UNC13C: variants seen among roughly 807,000 people sequenced by gnomAD.
UNC13C encodes the protein protein unc-13 homolog C.
UNC13C carries 174 observed loss-of-function variants against 245.4 expected under a neutral mutation model. The observed-to-expected ratio is 0.71, with a 90% confidence interval of 0.63 to 0.80. UNC13C has a LOEUF of 0.80. UNC13C is among the 30% of genes least tolerant of loss of function. The probability of loss-of-function intolerance (pLI) is 0.00; values close to 1 mark genes in which losing one functional copy is unlikely to be tolerated. For synonymous variants in UNC13C, 992 were observed against 895.1 expected (o/e 1.11, Z -1.93); for missense variants, 2,829 against 2,602.9 (o/e 1.09, Z -1.89).
At chr15:54,320,483 G>A (rs1459109415) in intron 13 of UNC13C, among the ~76,000 whole-genome samples, 1 of 151,856 alleles carries the variant, frequency 6.6e-6, no homozygotes, top group Non-Finnish European at 1.5e-5. Flanking sequence ...CATTAAAAAC[G>A]TTCACTGGAA....
At chr15:54,402,380 G>A (rs930154494) in intron 18 of UNC13C, among the ~76,000 whole-genome samples, 2 of 151,998 alleles carry the variant, frequency 1.3e-5, no homozygotes, top group African/African-American at 4.8e-5. Context: ...GTGCATAAGG[G>A]TACTGCCAAA....
chr15:53,907,561 C>G, the UNC13C span, among the ~76,000 whole-genome samples: 1 of 152,056 alleles, frequency 6.6e-6, no homozygotes, highest in African/African-American at 2.4e-5. Flanking sequence ...TTGATCAAGT[C>G]ACTTAACCTC....
At chr15:54,432,398 G>A (rs2040890088) in intron 19 of UNC13C, among the ~76,000 whole-genome samples, 1 of 151,294 alleles carries the variant, frequency 6.6e-6, no homozygotes. Context: ...GATTTAACCA[G>A]TTGAAAAGGG....
intron 6 of UNC13C, among the ~76,000 whole-genome samples, chr15:54,236,826 C>G (rs17818266): frequency 0.029 from 4,358 of 152,220 alleles, 93 homozygotes; most frequent in Non-Finnish European, 0.049. Context: ...ATGTATATGA[C>G]CAGATGGGTC....
At chr15:54,253,460 G>C (rs1403118620) in intron 8 of UNC13C, among the ~76,000 whole-genome samples, 1 of 152,174 alleles carries the variant, frequency 6.6e-6, no homozygotes, top group East Asian at 1.9e-4. Flanking sequence ...AGACCAAATG[G>C]AAACAGGGAG....
chr15:54,551,020 A>T lies in UNC13C; in HGVS notation c.5877+1329A>T, dbSNP rs577415048. 3.7e-4 allele frequency among the ~76,000 whole-genome samples: 56 copies of T among 152,208 alleles called. No individual in the cohort carries two copies. The South Asian group carries it at 7.9e-3, about 21-fold the overall frequency. On this transcript the variant is annotated intron_variant, in intron 28 of 32. Coordinates refer to ENST00000260323, the MANE Select transcript of UNC13C (RefSeq NM_001080534.3). ...GTGTTCTATCAGCTAGAACTATTTC[A>T]TTTTCAAGTGATGGAAAGCCAAACA...
chr15:54,168,408 G>A (rs2033264902), intron 4 of UNC13C, among the ~76,000 whole-genome samples: 1 of 152,074 alleles, frequency 6.6e-6, no homozygotes, highest in Non-Finnish European at 1.5e-5. Context: ...TGTTAAATTT[G>A]TTGCTAGATA....
chr15:54,623,726 C>T lies in UNC13C; in HGVS notation c.6200-69C>T. 4 of 1,454,722 alleles carry T rather than the reference C, an allele frequency of 2.7e-6. No homozygotes were observed. The Admixed American group carries it at 8.4e-5, about 30-fold the overall frequency. The allele number at this position is 1,454,722 out of a possible 1,614,324, so 90.1% of individuals were successfully genotyped here. On this transcript the variant is annotated intron_variant, in intron 31 of 32. Transcript: ENST00000260323. ...ATTATTAAGTTTTGGCTTCATAAAT[C>T]ACTTTTAAAATTTCACTCTAAATTT...
At chr15:54,432,808 A>G (rs1449625233) in intron 19 of UNC13C, among the ~76,000 whole-genome samples, 1 of 151,964 alleles carries the variant, frequency 6.6e-6, no homozygotes, top group Non-Finnish European at 1.5e-5. Context: ...AATGAATCCA[A>G]GAGCTGGTTT....
intron 1 of UNC13C, among the ~76,000 whole-genome samples, chr15:54,002,476 C>A (rs1257646843): frequency 6.6e-6 from 1 of 151,836 alleles, no homozygotes; most frequent in Non-Finnish European, 1.5e-5. Flanking sequence ...ACAGAGTAGA[C>A]CTTAGGAGAC....
intron 17 of UNC13C, among the ~76,000 whole-genome samples, chr15:54,390,017 C>A (rs995896453): frequency 1.3e-5 from 2 of 152,192 alleles, no homozygotes; most frequent in African/African-American, 4.8e-5. Context: ...GCATGAGCCA[C>A]TGCGCCCGGC....
chr15:54,215,458 TA>T (rs1229037269), intron 4 of UNC13C, among the ~76,000 whole-genome samples: 1 of 151,916 alleles, frequency 6.6e-6, no homozygotes, highest in Non-Finnish European at 1.5e-5. Context: ...AAAAATAATG[TA>T]AAGGTGAATA....
chr15:54,112,638 T>G (rs1475058758), intron 2 of UNC13C, among the ~76,000 whole-genome samples: 3 of 152,250 alleles, frequency 2.0e-5, no homozygotes, highest in Non-Finnish European at 4.4e-5. Context: ...GCTTCCAGCT[T>G]GCTTATCTAT....
the UNC13C span, among the ~76,000 whole-genome samples, chr15:53,889,807 T>C: frequency 5.3e-5 from 8 of 152,248 alleles, no homozygotes; most frequent in Admixed American, 5.2e-4. Flanking sequence ...TCTATTGAGA[T>C]AATCACGTGG....
At chr15:54,041,877 C>A (rs1461924880) in intron 2 of UNC13C, among the ~76,000 whole-genome samples, 1 of 151,890 alleles carries the variant, frequency 6.6e-6, no homozygotes, top group African/African-American at 2.4e-5. Flanking sequence ...ACTTTATTTG[C>A]GTTTTGAAGT....
At chr15:54,132,074 C>CTTTTTTTTTT (rs1555420957) in intron 2 of UNC13C, among the ~76,000 whole-genome samples, 2,349 of 110,548 alleles carry the variant, frequency 0.021, 127 homozygotes, top group African/African-American at 0.067. Flanking sequence ...TTTTCTTTTT[C>CTTTTTTTTTT]TTTTTTTTTT....
At chr15:53,882,768 T>A in the UNC13C span, among the ~76,000 whole-genome samples, 1 of 152,184 alleles carries the variant, frequency 6.6e-6, no homozygotes, top group Non-Finnish European at 1.5e-5. Flanking sequence ...CTACAGAGGT[T>A]ACTAAGCATT....
upstream of UNC13C, among the ~76,000 whole-genome samples, chr15:53,976,477 C>CTTTTTTTTTTTTT (rs10682648): frequency 0.022 from 1,405 of 62,816 alleles, 223 homozygotes; most frequent in Middle Eastern, 0.043. Flanking sequence ...CTCTCTCTCT[C>CTTTTTTTTTTTTT]TTTTTTTTTT....
chr15:54,379,876 G>A (rs554631220), intron 17 of UNC13C, among the ~76,000 whole-genome samples: 13 of 152,152 alleles, frequency 8.5e-5, no homozygotes, highest in African/African-American at 3.1e-4. Flanking sequence ...AAGATAAATT[G>A]AATGTATTTA....
Sources: allele counts gnomAD v4.1 joint callset (sites outside exome capture counted in the v4.1 genomes callset), GRCh38; gene constraint gnomAD v4.1.1; transcripts MANE v1.5; gene names NCBI Gene and HGNC (gene_info 2026-07-23, HGNC 2026-07-21).